Variants in CWC27 observed in about 807,000 individuals in gnomAD.
The protein encoded by CWC27 is CWC27 spliceosome associated cyclophilin, also known as spliceosome-associated protein CWC27 homolog.
Under a neutral mutation model 63.6 loss-of-function variants are expected in CWC27, and 47 were observed. That is an observed-to-expected ratio of 0.74 (90% confidence interval 0.58 to 0.94). The LOEUF (loss-of-function observed/expected upper bound fraction) is 0.94. CWC27 is among the 40% of genes least tolerant of loss of function. The pLI, the probability that CWC27 is intolerant of heterozygous loss-of-function variation, is 0.00. For synonymous variants in CWC27, 175 were observed against 179.8 expected, an observed-to-expected ratio of 0.97 and a Z score of 0.22; for missense variants, 495 against 554.3, an observed-to-expected ratio of 0.89 and a Z score of 1.07.
At chr5:64,949,471 A>G (rs1328152581) in intron 11 of CWC27, among the ~76,000 whole-genome samples, 2 of 151,902 alleles carry the variant, frequency 1.3e-5, no homozygotes, top group Non-Finnish European at 2.9e-5. Context: ...GCTGCCAACA[A>G]TCTCTGTTGC....
intron 11 of CWC27, among the ~76,000 whole-genome samples, chr5:64,969,907 G>T (rs1226429220): frequency 1.3e-5 from 2 of 152,044 alleles, no homozygotes; most frequent in African/African-American, 4.8e-5. Context: ...AGAACGGAGA[G>T]ATGAAGTATT....
At chr5:65,004,741 A>G (rs1047457409) in intron 13 of CWC27, among the ~76,000 whole-genome samples, 25 of 148,984 alleles carry the variant, frequency 1.7e-4, no homozygotes, top group Non-Finnish European at 3.6e-4. Context: ...TGTTCCTTTG[A>G]GGATGTTGTG....
chr5:64,959,824 C>T (rs1748872222), intron 11 of CWC27, among the ~76,000 whole-genome samples: 1 of 152,158 alleles, frequency 6.6e-6, no homozygotes, highest in Non-Finnish European at 1.5e-5. Flanking sequence ...CATTCAGCTA[C>T]TATTTATTTA....
At chr5:64,833,542 G>A (rs1257181312) in intron 10 of CWC27, among the ~76,000 whole-genome samples, 1 of 151,754 alleles carries the variant, frequency 6.6e-6, no homozygotes, top group East Asian at 1.9e-4. Flanking sequence ...TCAGTGTTAA[G>A]TGATGGCACA....
chr5:64,907,446 A>C (rs1003938660), intron 11 of CWC27, among the ~76,000 whole-genome samples: 11 of 152,110 alleles, frequency 7.2e-5, no homozygotes, highest in Admixed American at 6.5e-4. Context: ...ATGGGAGTTC[A>C]CTCATGATTT....
At chr5:64,772,138 T>G (rs1250993003) in intron 1 of CWC27, among the ~76,000 whole-genome samples, 6 of 152,160 alleles carry the variant, frequency 3.9e-5, no homozygotes, top group Non-Finnish European at 7.4e-5. Context: ...GGGCCAGTAT[T>G]TGAATTTGGG....
chr5:64,958,312 G>C (rs1414664232), intron 11 of CWC27, among the ~76,000 whole-genome samples: 1 of 152,148 alleles, frequency 6.6e-6, no homozygotes, highest in African/African-American at 2.4e-5. Flanking sequence ...ATGGTAGTGT[G>C]TGTAGAAACG....
At chr5:64,798,220 A>G (rs894145179) in intron 7 of CWC27, among the ~76,000 whole-genome samples, 7 of 152,272 alleles carry the variant, frequency 4.6e-5, no homozygotes, top group Admixed American at 4.6e-4. Flanking sequence ...CAAGGCTGCT[A>G]TGATGATTAT....
intron 11 of CWC27, among the ~76,000 whole-genome samples, chr5:64,949,117 A>G (rs1389944747): frequency 1.3e-5 from 2 of 151,882 alleles, no homozygotes; most frequent in African/African-American, 2.4e-5. Context: ...TAGACTTTTT[A>G]GATATGATTT....
chr5:64,815,871 A>G (rs970080098), intron 10 of CWC27, among the ~76,000 whole-genome samples: 3 of 152,142 alleles, frequency 2.0e-5, no homozygotes, highest in African/African-American at 7.2e-5. Flanking sequence ...TAACTTTCTT[A>G]TTAGATATCT....
intron 10 of CWC27, among the ~76,000 whole-genome samples, chr5:64,876,576 A>C (rs1746799224): frequency 3.9e-5 from 6 of 152,142 alleles, no homozygotes; most frequent in Admixed American, 3.9e-4. Flanking sequence ...AGAAACTAAC[A>C]CATATTCCAT....
chr5:64,793,231 C>T (rs1018213602), intron 7 of CWC27, among the ~76,000 whole-genome samples: 1 of 152,090 alleles, frequency 6.6e-6, no homozygotes, highest in African/African-American at 2.4e-5. Context: ...AGCCCAGCCT[C>T]ATTATTACCC....
At chr5:64,963,419 A>G (rs905976036) in intron 11 of CWC27, among the ~76,000 whole-genome samples, 23 of 152,242 alleles carry the variant, frequency 1.5e-4, no homozygotes, top group Admixed American at 7.9e-4. Context: ...TATTGATTAG[A>G]TACAACTGAA....
intron 11 of CWC27, among the ~76,000 whole-genome samples, chr5:64,936,001 T>TGAGATG (rs1383325882): frequency 2.0e-5 from 3 of 152,228 alleles, no homozygotes; most frequent in African/African-American, 7.2e-5. Context: ...GATTTTGGGC[T>TGAGATG]GAGATGATGT....
intron 13 of CWC27, among the ~76,000 whole-genome samples, chr5:64,979,677 G>A (rs1272526715): frequency 2.0e-5 from 3 of 152,144 alleles, no homozygotes; most frequent in Non-Finnish European, 4.4e-5. Context: ...GTAGGTCACG[G>A]TTGCCGCTTT....
intron 11 of CWC27, among the ~76,000 whole-genome samples, chr5:64,896,083 T>C (rs868770339): frequency 6.6e-6 from 1 of 152,202 alleles, no homozygotes; most frequent in Non-Finnish European, 1.5e-5. Context: ...CCTAGATGCA[T>C]TATGATAATA....
intron 11 of CWC27, among the ~76,000 whole-genome samples, chr5:64,892,323 A>G (rs1747258106): frequency 6.6e-6 from 1 of 152,200 alleles, no homozygotes; most frequent in African/African-American, 2.4e-5. Context: ...CTTAATTCAT[A>G]CAGGTAAATA....
At chr5:64,943,619 A>G (rs568777509) in intron 11 of CWC27, among the ~76,000 whole-genome samples, 2 of 152,314 alleles carry the variant, frequency 1.3e-5, no homozygotes, top group East Asian at 3.9e-4. Flanking sequence ...GACATTTTGG[A>G]TACATCAGGT....
At chr5:64,784,517 TCTCA>T (rs927424150) in intron 4 of CWC27, among the ~76,000 whole-genome samples, 1 of 152,192 alleles carries the variant, frequency 6.6e-6, no homozygotes, top group African/African-American at 2.4e-5. Context: ...GGTTTTCTTC[TCTCA>T]CTCTTCTCCA....
Sources: allele counts gnomAD v4.1 joint callset (sites outside exome capture counted in the v4.1 genomes callset), GRCh38; gene constraint gnomAD v4.1.1; transcripts MANE v1.5; gene names NCBI Gene and HGNC (gene_info 2026-07-23, HGNC 2026-07-21).